Variants in RUNX2 observed in about 807,000 individuals in gnomAD.
The protein encoded by RUNX2 is RUNX family transcription factor 2.
RUNX2 carries 10 observed loss-of-function variants against 51.7 expected under a neutral mutation model. The observed-to-expected ratio is 0.19, with a 90% confidence interval of 0.12 to 0.33. RUNX2 has a LOEUF of 0.33. Among genes scored for constraint, RUNX2 ranks in the 10% least tolerant of loss-of-function variants. The probability of loss-of-function intolerance (pLI) is 1.00; values close to 1 mark genes in which losing one functional copy is unlikely to be tolerated. For synonymous variants in RUNX2, 276 were observed against 273.6 expected (o/e 1.01, Z -0.09); for missense variants, 562 against 691.3 (o/e 0.81, Z 2.10).
At chr6:45,526,830 C>T (rs1020442054) in intron 7 of RUNX2, among the ~76,000 whole-genome samples, 10 of 152,018 alleles carry the variant, frequency 6.6e-5, no homozygotes, top group Non-Finnish European at 7.4e-5. Context: ...CCTCAATTTC[C>T]GCATCAGTTA....
chr6:45,406,040 A>G (rs1171294667), intron 2 of RUNX2, among the ~76,000 whole-genome samples: 2 of 152,214 alleles, frequency 1.3e-5, no homozygotes, highest in African/African-American at 2.4e-5. Context: ...TACATAATAT[A>G]TATTCAACAA....
chr6:45,491,665 G>C (rs1481557471), intron 5 of RUNX2, among the ~76,000 whole-genome samples: 1 of 144,340 alleles, frequency 6.9e-6, no homozygotes, highest in Non-Finnish European at 1.5e-5. Context: ...GCCAGAGAAG[G>C]TGTCTAGTAT....
intron 2 of RUNX2, among the ~76,000 whole-genome samples, chr6:45,383,156 C>T (rs1250211328): frequency 6.6e-6 from 1 of 152,072 alleles, no homozygotes; most frequent in Admixed American, 6.6e-5. Context: ...AGTTCTGGGC[C>T]GGGCACGGTG....
intron 4 of RUNX2, 121 bp downstream of exon 4, chr6:45,432,140 T>A: frequency 2.1e-6 from 2 of 949,506 alleles, no homozygotes; most frequent in Non-Finnish European, 3.3e-6. Flanking sequence ...ACTGAAGATT[T>A]GATTTAAATA....
intron 2 of RUNX2, among the ~76,000 whole-genome samples, chr6:45,393,757 G>A (rs1028571284): frequency 1.3e-5 from 2 of 151,892 alleles, no homozygotes; most frequent in African/African-American, 2.4e-5. Flanking sequence ...AAGAAAAGAG[G>A]TTTAATTGGC....
At chr6:45,532,097 AT>A (rs552562016) in intron 7 of RUNX2, among the ~76,000 whole-genome samples, 3 of 146,398 alleles carry the variant, frequency 2.0e-5, no homozygotes, top group African/African-American at 7.5e-5. Context: ...TAACAATTAC[AT>A]TTTTTTAGTT....
chr6:45,512,309 G>C lies in RUNX2; in HGVS notation c.923G>C (p.Ser308Thr). The C allele has an allele frequency of 6.2e-7, 1 of 1,614,080 alleles. No homozygotes were observed. The highest frequency in any genetic ancestry group is 8.5e-7 in the Non-Finnish European group (1 of 1,180,008). The change falls in exon 7 of 9, where the codon AGC (serine) becomes ACC (threonine). Residue 308 changes from serine to threonine, a missense_variant. By Grantham distance (58) the Ser-to-Thr change is moderately conservative. Around this residue, in one of 5 missense-constraint regions of RUNX2, gnomAD observed 304 missense variants for 353.2 expected, o/e 0.86. Transcript: ENST00000647337. ...SYDQSYPSYLSQMTSPSIHST... is the reference protein window; with the variant it reads ...SYDQSYPSYLTQMTSPSIHST... ...GACCAGTCTTACCCCTCCTACCTGA[G>C]CCAGATGACGTCCCCGTCCATCCAC...
At chr6:45,466,863 G>A (rs1204663270) in intron 5 of RUNX2, among the ~76,000 whole-genome samples, 1 of 152,188 alleles carries the variant, frequency 6.6e-6, no homozygotes, top group Non-Finnish European at 1.5e-5. Context: ...ATAAGAAACT[G>A]ACAAACAATT....
rs560110276 is a variant in RUNX2 at position 45,468,105 on chromosome 6, G to A, written c.686-23836G>A. On this transcript the variant is annotated intron_variant, in intron 5 of 8. Transcript: ENST00000647337. Reference sequence around the variant, plus strand: ...GTTTCCCTATGCCCAGAATAACTTAGCCCAGTCTTATCATTACAACTGCAG... The same window carrying A: ...GTTTCCCTATGCCCAGAATAACTTAACCCAGTCTTATCATTACAACTGCAG... 3.3e-5 allele frequency among the ~76,000 whole-genome samples: 5 copies of A among 152,232 alleles called. No homozygotes were observed. In the South Asian group the frequency reaches 1.0e-3, roughly 32 times the overall value.
At chr6:45,542,132 T>G (rs778013454) in intron 7 of RUNX2, among the ~76,000 whole-genome samples, 1 of 152,068 alleles carries the variant, frequency 6.6e-6, no homozygotes, top group East Asian at 1.9e-4. Context: ...GCCCTGAAAA[T>G]TGAAGATCAG....
At chr6:45,347,011 TA>T (rs1791018075) in intron 2 of RUNX2, among the ~76,000 whole-genome samples, 1 of 152,074 alleles carries the variant, frequency 6.6e-6, no homozygotes, top group African/African-American at 2.4e-5. Context: ...GAAAATGCCT[TA>T]AAAATAACTT....
chr6:45,530,559 G>C lies in RUNX2; in HGVS notation c.1022-14658G>C, dbSNP rs1002212983. ...GTGCAGTTAGATGACAGTGGACTCT[G>C]GCAGCTTATCAAGCTGCTGTCTCCA... On this transcript the variant is annotated intron_variant, in intron 7 of 8. Coordinates refer to ENST00000647337, the MANE Select transcript of RUNX2 (RefSeq NM_001024630.4). Among the ~76,000 whole-genome samples the C allele has an allele frequency of 2.6e-5, 4 of 152,196 alleles. No homozygotes were observed. In the South Asian group the frequency reaches 8.3e-4, roughly 32 times the overall value.
chr6:45,373,486 G>T (rs552341824), intron 2 of RUNX2, among the ~76,000 whole-genome samples: 1 of 152,070 alleles, frequency 6.6e-6, no homozygotes, highest in Non-Finnish European at 1.5e-5. Flanking sequence ...GTTGTTTTCC[G>T]TAGAAAATAT....
chr6:45,508,220 CTTTTTTTTTT>C (rs61501897), intron 6 of RUNX2, among the ~76,000 whole-genome samples: 4 of 65,646 alleles, frequency 6.1e-5, no homozygotes, highest in Non-Finnish European at 1.1e-4. Flanking sequence ...CTTATATTTC[CTTTTTTTTTT>C]TTTTTTTTTT....
intron 2 of RUNX2, among the ~76,000 whole-genome samples, chr6:45,341,276 A>G (rs1211100315): frequency 6.6e-6 from 1 of 152,198 alleles, no homozygotes; most frequent in Non-Finnish European, 1.5e-5. Flanking sequence ...TTGAGAAAAA[A>G]TGCTGATTAG....
rs531493918 is a variant in RUNX2, at chr6:45,503,219, C to T, written c.860-9027C>T. On this transcript the variant is annotated intron_variant, in intron 6 of 8. Coordinates refer to ENST00000647337, the MANE Select transcript of RUNX2 (RefSeq NM_001024630.4). ...ATTTGATTAATGCCTGTCTCTCCTA[C>T]CCAACTGTAAAACTCCATGGGACCA... 2.2e-4 allele frequency among the ~76,000 whole-genome samples: 34 copies of T among 152,290 alleles called. No individual in the cohort carries two copies. In the East Asian group the frequency reaches 4.2e-3, roughly 19 times the overall value.
chr6:45,393,826 C>G (rs977732793), intron 2 of RUNX2, among the ~76,000 whole-genome samples: 4 of 151,940 alleles, frequency 2.6e-5, no homozygotes, highest in Non-Finnish European at 5.9e-5. Flanking sequence ...TGGTGAGGGC[C>G]TCAGGAAGCT....
intron 5 of RUNX2, among the ~76,000 whole-genome samples, chr6:45,485,697 G>GTGTGTGTGTATATATATATA (rs1219072282): frequency 1.9e-5 from 2 of 104,034 alleles, no homozygotes; most frequent in African/African-American, 7.6e-5. Flanking sequence ...GTGTGTGTGT[G>GTGTGTGTGTATATATATATA]TATATATATA....
At chr6:45,387,855 T>C (rs1413798122) in intron 2 of RUNX2, among the ~76,000 whole-genome samples, 2 of 152,214 alleles carry the variant, frequency 1.3e-5, no homozygotes, top group Non-Finnish European at 2.9e-5. Context: ...TAATTGGACT[T>C]AGCCAGTTGA....
Sources: allele counts gnomAD v4.1 joint callset (sites outside exome capture counted in the v4.1 genomes callset), GRCh38; gene constraint gnomAD v4.1.1; regional missense constraint gnomAD v4.1.1; transcripts MANE v1.5; gene names NCBI Gene and HGNC (gene_info 2026-07-23, HGNC 2026-07-21).